The following VSTM4 variants were observed in gnomAD, a reference collection of about 807,000 sequenced individuals.
The protein encoded by VSTM4 is V-set and transmembrane domain-containing protein 4.
In VSTM4, 20 loss-of-function variants were observed where a neutral mutation model predicts 36.4. The ratio of observed to expected loss-of-function variants is 0.55; its 90% CI spans 0.39 to 0.80. The LOEUF is 0.80. Among genes scored for constraint, VSTM4 ranks in the 30% least tolerant of loss-of-function variants. The pLI is 0.00. For synonymous variants in VSTM4, 182 were observed against 173.9 expected (o/e 1.05, Z -0.37); for missense variants, 392 against 404.5 (o/e 0.97, Z 0.26).
intron 4 of VSTM4, among the ~76,000 whole-genome samples, chr10:49,076,597 G>A (rs1330968991): frequency 6.6e-6 from 1 of 152,174 alleles, no homozygotes. Flanking sequence ...GGGGCTCGGG[G>A]AGAAGCAGAG....
At chr10:49,054,129 G>T (rs967086085) in intron 5 of VSTM4, among the ~76,000 whole-genome samples, 2 of 152,134 alleles carry the variant, frequency 1.3e-5, no homozygotes, top group African/African-American at 4.8e-5. Context: ...CTGAGAAGGG[G>T]ACATGGGACT....
chr10:49,111,079 G>A (rs1186314801), intron 1 of VSTM4, among the ~76,000 whole-genome samples: 1 of 152,200 alleles, frequency 6.6e-6, no homozygotes, highest in Non-Finnish European at 1.5e-5. Flanking sequence ...CAGCAAAGCT[G>A]GGTGCCTTGA....
intron 7 of VSTM4, among the ~76,000 whole-genome samples, chr10:49,025,412 G>GAT (rs2131933771): frequency 6.6e-6 from 1 of 152,126 alleles, no homozygotes; most frequent in Non-Finnish European, 1.5e-5. Flanking sequence ...ACAAAGGTCT[G>GAT]ATACATTTAC....
intron 7 of VSTM4, 141 bp from the exon 8 acceptor site, chr10:49,019,916 C>CATAATATCCAATAACATAATTA (rs1843157329): frequency 1.9e-6 from 2 of 1,073,432 alleles, no homozygotes; most frequent in Non-Finnish European, 2.6e-6. Context: ...TAAGAGGCTA[C>CATAATATCCAATAACATAATTA]ATAATATCCA....
intron 7 of VSTM4, among the ~76,000 whole-genome samples, chr10:49,030,860 T>A (rs778439292): frequency 1.3e-5 from 2 of 152,220 alleles, no homozygotes; most frequent in Non-Finnish European, 2.9e-5. Flanking sequence ...CAGATGCCTG[T>A]CAATGTCACC....
At chr10:49,078,538 A>AAT (rs397779772) in intron 3 of VSTM4, among the ~76,000 whole-genome samples, 1 of 151,652 alleles carries the variant, frequency 6.6e-6, no homozygotes, top group African/African-American at 2.4e-5. Context: ...AAAAAAAAAA[A>AAT]TCCCAAAAGG....
chr10:49,047,280 C>G (rs1201320610), intron 6 of VSTM4, among the ~76,000 whole-genome samples: 1 of 152,178 alleles, frequency 6.6e-6, no homozygotes, highest in East Asian at 1.9e-4. Flanking sequence ...GCATAAAACT[C>G]TGCCAGCTAC....
At chr10:49,047,267 T>G (rs143668871) in intron 6 of VSTM4, among the ~76,000 whole-genome samples, 89 of 152,002 alleles carry the variant, frequency 5.9e-4, no homozygotes, top group African/African-American at 2.0e-3. Flanking sequence ...ACAAAACAAC[T>G]CTGCATAAAA....
At chr10:49,064,833 T>A in intron 4 of VSTM4, 97 bp from the exon 5 acceptor site, 1 of 1,365,732 alleles carries the variant, frequency 7.3e-7, no homozygotes, top group South Asian at 1.2e-5. Flanking sequence ...CAGGTGTTGT[T>A]CAGGTATTGG....
chr10:49,046,527 T>C (rs1843613469), intron 7 of VSTM4, among the ~76,000 whole-genome samples: 1 of 152,246 alleles, frequency 6.6e-6, no homozygotes, highest in African/African-American at 2.4e-5. Context: ...CATGACTATG[T>C]AAGAAACCAA....
chr10:49,107,943 G>A lies in VSTM4; in HGVS notation c.108C>T (p.Tyr36=), dbSNP rs544684547. 6.2e-7 allele frequency: 1 copy of A among 1,610,724 alleles called. No homozygotes were observed. Among genetic ancestry groups the A allele is most frequent in the South Asian group, 1.1e-5 (1 of 90,572 alleles). The stretch of plus-strand genomic sequence containing the variant: ...GGAGAGTGGCATTCTCCCCCTCCAG[G>A]TAGTCAACCACGGGCCCCGGGGACA... ...VTVSPGPVVD[Y]LEGENATLLC... is the part of the protein sequence containing the mutation. The change falls in exon 2 of 8, where the codon TAC becomes TAT. Residue 36 remains tyrosine (Y), a synonymous_variant. Transcript: ENST00000332853.
Position 49,038,798 on chromosome 10 carries a change from C to T in VSTM4, c.837+8185G>A, listed in dbSNP as rs540999681. Among the ~76,000 whole-genome samples, 6 of 152,098 alleles carry T rather than the reference C, an allele frequency of 3.9e-5. No homozygotes were observed. The South Asian group carries it at 1.2e-3, about 32-fold the overall frequency. On this transcript the variant is annotated intron_variant, in intron 7 of 7. Transcript: ENST00000332853. The stretch of plus-strand genomic sequence containing the variant: ...GTTGTTCTGAAATTGGCTTGAGGAC[C>T]CCCGTTAGGGGACCAATGGGCTGCA...
chr10:49,104,398 G>A, intron 2 of VSTM4, among the ~76,000 whole-genome samples: 1 of 152,208 alleles, frequency 6.6e-6, no homozygotes, highest in East Asian at 1.9e-4. Context: ...AAGGTGCTCT[G>A]GGAGGCTGCA....
intron 2 of VSTM4, among the ~76,000 whole-genome samples, chr10:49,099,115 C>T (rs542007802): frequency 1.1e-4 from 17 of 152,232 alleles, no homozygotes; most frequent in African/African-American, 2.9e-4. Flanking sequence ...CTGTGTAGTC[C>T]CAGTTAGGGT....
chr10:49,086,683 C>T (rs73302715), intron 2 of VSTM4, among the ~76,000 whole-genome samples: 10,609 of 152,178 alleles, frequency 0.07, 1,134 homozygotes, highest in African/African-American at 0.23. Flanking sequence ...ATCTAGAAAA[C>T]AGACTGATGA....
Position 49,107,733 on chromosome 10 carries a change from C to G in VSTM4, c.318G>C (p.Arg106=), listed in dbSNP as rs746218144. The stretch of plus-strand genomic sequence containing the variant: ...AGACGGAGAGCCTGTAGAGCGCCCC[C>G]CGCTGCTCCTCCAGCAGGCGCAGCC... ...RRRLRLLEEQ[R]GALYRLSVLT... Residue 106 remains arginine (R), a synonymous_variant, in exon 2 of 8, where the codon CGG becomes CGC. Coordinates refer to ENST00000332853, the MANE Select transcript of VSTM4 (RefSeq NM_001031746.5). The G allele has an allele frequency of 1.2e-6, 2 of 1,614,100 alleles. No individual in the cohort carries two copies. Among genetic ancestry groups the G allele is most frequent in the East Asian group, 2.2e-5 (1 of 44,898 alleles).
chr10:49,099,118 G>A (rs990033437), intron 2 of VSTM4, among the ~76,000 whole-genome samples: 3 of 152,186 alleles, frequency 2.0e-5, no homozygotes, highest in African/African-American at 7.2e-5. Flanking sequence ...TGTAGTCCCA[G>A]TTAGGGTCTC....
At position 49,107,807 on chromosome 10, in the gene VSTM4, G is replaced by C; in HGVS notation, c.244C>G (p.Arg82Gly). 6.2e-7 allele frequency: 1 copy of C among 1,614,242 alleles called. No individual in the cohort carries two copies. Among genetic ancestry groups the C allele is most frequent in the Non-Finnish European group, 8.5e-7 (1 of 1,180,056 alleles). ...EALMVKMTKL[R>G]VVQYYGNFSR... ...AAATTCCCATAGTACTGCACCACCC[G>C]GAGCTTGGTCATCTTCACCATCAAG... The change falls in exon 2 of 8, where the codon CGG becomes GGG. Residue 82 changes from arginine (R) to glycine (G), a missense_variant. By Grantham distance (125) the Arg-to-Gly change is moderately radical. Coordinates refer to ENST00000332853, the MANE Select transcript of VSTM4 (RefSeq NM_001031746.5).
chr10:49,083,588 C>G (rs550605647), intron 3 of VSTM4, among the ~76,000 whole-genome samples: 1 of 152,280 alleles, frequency 6.6e-6, no homozygotes, highest in South Asian at 2.1e-4. Context: ...AGCGAGAATG[C>G]CAGTTCTGCT....
Sources: gnomAD v4.1 joint callset for allele counts (sites outside exome capture counted in the v4.1 genomes callset) on GRCh38, gnomAD v4.1.1 for gene constraint, MANE v1.5 for transcripts, NCBI Gene and HGNC (gene_info 2026-07-23, HGNC 2026-07-21) for gene names.